The following DTWD2 variants were observed in gnomAD, a reference collection of about 807,000 sequenced individuals.
DTWD2 encodes tRNA-uridine aminocarboxypropyltransferase 2.
Under a neutral mutation model 31.8 loss-of-function variants are expected in DTWD2, and 39 were observed. That is an observed-to-expected ratio of 1.22 (90% CI 0.95 to 1.60). The LOEUF is 1.60. Ranked by LOEUF, DTWD2 falls within the 40% of genes most tolerant of loss-of-function variation. The pLI, the probability that DTWD2 is intolerant of heterozygous loss-of-function variation, is 0.00. For missense variants in DTWD2, 515 were observed against 381.5 expected, an observed-to-expected ratio of 1.35 and a Z score of -2.92; for synonymous variants, 180 against 142.8, an observed-to-expected ratio of 1.26 and a Z score of -1.86.
chr5:118,938,323 CAACT>C (rs1010501357), intron 3 of DTWD2, among the ~76,000 whole-genome samples: 2 of 152,102 alleles, frequency 1.3e-5, no homozygotes, highest in African/African-American at 4.8e-5. Context: ...ACAATTTCTA[CAACT>C]AACAGACGAA....
intron 4 of DTWD2, among the ~76,000 whole-genome samples, chr5:118,903,239 G>A (rs1212855584): frequency 6.6e-6 from 1 of 151,112 alleles, no homozygotes; most frequent in Non-Finnish European, 1.5e-5. Flanking sequence ...ACATTGAACA[G>A]CTGGGAAAAC....
intron 4 of DTWD2, among the ~76,000 whole-genome samples, chr5:118,870,084 C>T (rs1444525320): frequency 6.6e-6 from 1 of 152,128 alleles, no homozygotes; most frequent in Admixed American, 6.5e-5. Flanking sequence ...GAAGCTTGCC[C>T]TCCCCAGAAG....
intron 4 of DTWD2, among the ~76,000 whole-genome samples, chr5:118,863,706 C>T (rs1752318367): frequency 6.6e-6 from 1 of 152,136 alleles, no homozygotes; most frequent in South Asian, 2.1e-4. Context: ...TAATTTTGGA[C>T]ATTCTCATGG....
At chr5:118,959,793 T>C (rs1165632123) in intron 1 of DTWD2, among the ~76,000 whole-genome samples, 1 of 152,002 alleles carries the variant, frequency 6.6e-6, no homozygotes, top group African/African-American at 2.4e-5. Flanking sequence ...TAAAGCCACA[T>C]ACCTACAACC....
chr5:118,934,726 C>G (rs1344562708), intron 3 of DTWD2, among the ~76,000 whole-genome samples: 2 of 152,010 alleles, frequency 1.3e-5, no homozygotes, highest in African/African-American at 2.4e-5. Context: ...TAAAAGAAAA[C>G]AAGTCAATAA....
intron 1 of DTWD2, among the ~76,000 whole-genome samples, chr5:118,965,258 G>A (rs974125580): frequency 9.9e-5 from 15 of 151,444 alleles, no homozygotes; most frequent in Non-Finnish European, 2.2e-4. Context: ...CGCCCCGTCC[G>A]GGAGGTGGGG....
At chr5:118,979,392 T>G (rs1381624376) in intron 1 of DTWD2, among the ~76,000 whole-genome samples, 2 of 152,144 alleles carry the variant, frequency 1.3e-5, no homozygotes, top group East Asian at 3.8e-4. Context: ...AAAAGAACAC[T>G]TTTATACTAT....
intron 1 of DTWD2, among the ~76,000 whole-genome samples, chr5:118,980,231 A>T (rs1326808518): frequency 6.6e-6 from 1 of 152,214 alleles, no homozygotes; most frequent in Non-Finnish European, 1.5e-5. Flanking sequence ...CCCATTGTAA[A>T]AAATTCAGGA....
intron 4 of DTWD2, among the ~76,000 whole-genome samples, chr5:118,887,857 T>C (rs1458922674): frequency 1.3e-5 from 2 of 152,170 alleles, no homozygotes; most frequent in African/African-American, 2.4e-5. Flanking sequence ...CCCAGGCTTG[T>C]CTCAAACTCC....
At chr5:118,908,547 A>C (rs935837304) in intron 4 of DTWD2, among the ~76,000 whole-genome samples, 1 of 152,192 alleles carries the variant, frequency 6.6e-6, no homozygotes, top group Admixed American at 6.5e-5. Context: ...CCTAGAATAA[A>C]TAACAAATGA....
intron 4 of DTWD2, among the ~76,000 whole-genome samples, chr5:118,887,397 A>G (rs780665448): frequency 1.6e-4 from 25 of 152,038 alleles, no homozygotes; most frequent in Non-Finnish European, 3.4e-4. Flanking sequence ...ATTGTTTGGG[A>G]AGGCTAAGGG....
chr5:118,904,477 A>G (rs540601778), intron 4 of DTWD2, among the ~76,000 whole-genome samples: 12 of 152,232 alleles, frequency 7.9e-5, no homozygotes, highest in Middle Eastern at 3.4e-3. Context: ...ATGTGCACGC[A>G]CACACGTTTA....
intron 3 of DTWD2, among the ~76,000 whole-genome samples, chr5:118,938,319 T>C (rs2149583540): frequency 6.6e-6 from 1 of 152,284 alleles, no homozygotes; most frequent in South Asian, 2.1e-4. Flanking sequence ...CAAAACAATT[T>C]CTACAACTAA....
At chr5:118,936,151 A>G (rs1561462134) in intron 3 of DTWD2, among the ~76,000 whole-genome samples, 1 of 152,258 alleles carries the variant, frequency 6.6e-6, no homozygotes, top group African/African-American at 2.4e-5. Flanking sequence ...GTGTGAAAGA[A>G]GAAATCACAA....
intron 4 of DTWD2, among the ~76,000 whole-genome samples, chr5:118,912,826 G>A (rs1235121231): frequency 6.6e-6 from 1 of 152,294 alleles, no homozygotes; most frequent in African/African-American, 2.4e-5. Context: ...TTAAAGGAAC[G>A]TAGCTGAACT....
intron 4 of DTWD2, among the ~76,000 whole-genome samples, chr5:118,926,024 G>C (rs961047942): frequency 6.6e-6 from 1 of 152,072 alleles, no homozygotes; most frequent in African/African-American, 2.4e-5. Context: ...CTTGAGCCCT[G>C]GAGTTCAAGG....
intron 4 of DTWD2, among the ~76,000 whole-genome samples, chr5:118,860,856 T>C (rs745686764): frequency 2.0e-4 from 31 of 152,240 alleles, no homozygotes; most frequent in Admixed American, 1.6e-3. Flanking sequence ...ATAAGATTAA[T>C]GGTCTTTTCA....
chr5:118,928,238 T>C (rs1753848887), intron 4 of DTWD2, among the ~76,000 whole-genome samples: 1 of 151,998 alleles, frequency 6.6e-6, no homozygotes, highest in Admixed American at 6.6e-5. Context: ...AAATAATCCT[T>C]AGACTTCTCT....
chr5:118,923,756 T>G (rs1211380794), intron 4 of DTWD2, among the ~76,000 whole-genome samples: 2 of 152,198 alleles, frequency 1.3e-5, no homozygotes. Flanking sequence ...AGTCTTTCTC[T>G]GAGGAGGCAA....
Sources: allele counts gnomAD v4.1 joint callset (sites outside exome capture counted in the v4.1 genomes callset), GRCh38; gene constraint gnomAD v4.1.1; transcripts MANE v1.5; gene names NCBI Gene and HGNC (gene_info 2026-07-23, HGNC 2026-07-21).